Variants in TRIM13 observed in about 807,000 individuals in gnomAD.
The protein encoded by TRIM13 is E3 ubiquitin-protein ligase TRIM13.
A neutral mutation model predicts 27.1 loss-of-function variants in TRIM13; 15 were observed. That is an observed-to-expected ratio of 0.55 (90% confidence interval 0.37 to 0.85). The LOEUF is 0.85. Ranked by LOEUF, TRIM13 falls within the 40% of genes least tolerant of loss-of-function variation. The pLI is 0.00. For missense variants in TRIM13, 402 were observed against 472.2 expected (o/e 0.85, Z 1.38); for synonymous variants, 193 against 171.5 (o/e 1.13, Z -0.98).
intron 1 of TRIM13, among the ~76,000 whole-genome samples, chr13:50,006,023 G>C (rs1454619317): frequency 1.3e-5 from 2 of 151,990 alleles, no homozygotes; most frequent in Non-Finnish European, 2.9e-5. Context: ...CCAGAAATAT[G>C]TAGATTTTAA....
intron 1 of TRIM13, among the ~76,000 whole-genome samples, chr13:50,008,705 A>G (rs1875139909): frequency 6.6e-6 from 1 of 152,080 alleles, no homozygotes; most frequent in South Asian, 2.1e-4. Context: ...GGGATCTCAA[A>G]TATTTTGGTC....
Position 50,012,585 on chromosome 13 carries a change from T to C in TRIM13, c.645T>C (p.Tyr215=), listed in dbSNP as rs775150652. ...ETMKLAVMQA[Y]DPEINKLNTI... is the part of the protein sequence containing the mutation. ...TGAAACTTGCTGTTATGCAAGCATA[T>C]GACCCAGAGATCAACAAACTCAACA... Residue 215 remains tyrosine, a synonymous_variant, in exon 2 of 2, where the codon TAT becomes TAC. Transcript: ENST00000378182. 3 of 1,614,126 alleles carry C rather than the reference T, an allele frequency of 1.9e-6. No homozygotes were observed. The highest frequency in any genetic ancestry group is 2.5e-6 in the Non-Finnish European group (3 of 1,180,014).
At position 50,013,339 on chromosome 13, in the gene TRIM13, G is replaced by T. The variant is rs931039676; in HGVS notation, c.*175G>T. 1.6e-6 allele frequency: 1 copy of T among 623,428 alleles called. No homozygotes were observed. Among genetic ancestry groups the T allele is most frequent in the Non-Finnish European group, 2.6e-6 (1 of 389,294 alleles). The allele number at this position is 623,428 out of a possible 1,614,324, so 38.6% of individuals were successfully genotyped here. ...ATAAAGATAAAAGTGAAATTTAGTA[G>T]TATAGGCCTGAACCTTTTTTTGTTT... On this transcript the variant is annotated 3_prime_UTR_variant, in exon 2 of 2. Transcript: ENST00000378182.
At chr13:50,002,168 T>C (rs1417926846) in intron 1 of TRIM13, among the ~76,000 whole-genome samples, 1 of 152,090 alleles carries the variant, frequency 6.6e-6, no homozygotes, top group Non-Finnish European at 1.5e-5. Context: ...GGCAGGAAGA[T>C]ACTTGTGGCC....
Position 50,017,405 on chromosome 13 carries a change from T to A in TRIM13, c.*4241T>A, listed in dbSNP as rs565284310. The A allele has an allele frequency of 2.4e-4, 40 of 167,184 alleles. No homozygotes were observed. Among genetic ancestry groups the A allele is most frequent in the African/African-American group, 9.6e-4 (40 of 41,578 alleles). The allele number at this position is 167,184 out of a possible 1,614,324, so 10.4% of individuals were successfully genotyped here. A position where few individuals can be genotyped will look rare whatever the true frequency, so the allele number is the denominator to read the frequency against. Reference sequence around the variant, plus strand: ...TAATTGTTTCCTTGAAAAACATGATTAAAAACTAAAACTGGGATGTTCCTG... The same window carrying A: ...TAATTGTTTCCTTGAAAAACATGATAAAAAACTAAAACTGGGATGTTCCTG... On this transcript the variant is annotated 3_prime_UTR_variant, in exon 2 of 2. Transcript: ENST00000378182.
chr13:50,002,449 T>A (rs1228375086), intron 1 of TRIM13, among the ~76,000 whole-genome samples: 1 of 152,124 alleles, frequency 6.6e-6, no homozygotes, highest in Non-Finnish European at 1.5e-5. Flanking sequence ...AGGCTTATAT[T>A]TAGCTAATGT....
intron 1 of TRIM13, among the ~76,000 whole-genome samples, chr13:49,998,924 T>C (rs1873628257): frequency 7.7e-6 from 1 of 129,298 alleles, no homozygotes; most frequent in Admixed American, 7.9e-5. Flanking sequence ...AGCGAGACTC[T>C]ACCAAAAAAA....
chr13:50,012,508 C>A lies in TRIM13; in HGVS notation c.568C>A (p.Gln190Lys). The part of the protein sequence containing the change: ...DKVKEFFEKL[Q>K]HTLDQKKNEI... ...AGTGAAGGAATTTTTTGAGAAGTTA[C>A]AACACACACTGGATCAAAAGAAGAA... is the stretch of plus-strand genomic sequence containing the variant. The change falls in exon 2 of 2, where the codon CAA becomes AAA. Residue 190 changes from glutamine (Q) to lysine (K), a missense_variant. Gln to Lys is a moderately conservative substitution (Grantham distance 53, BLOSUM62 1). This residue lies in a region of TRIM13 where 202 missense variants were observed against 277.5 expected (regional missense o/e 0.73). Transcript: ENST00000378182. 1 of 1,613,850 alleles carries A rather than the reference C, an allele frequency of 6.2e-7. No individual in the cohort carries two copies. Among genetic ancestry groups the A allele is most frequent in the East Asian group, 2.2e-5 (1 of 44,884 alleles).
Position 50,013,548 on chromosome 13 carries a change from A to C in TRIM13, c.*384A>C, listed in dbSNP as rs538298393. 1.7e-4 allele frequency: 20 copies of C among 119,542 alleles called. No individual in the cohort carries two copies. The highest frequency in any genetic ancestry group is 1.4e-4 in the Non-Finnish European group (8 of 56,512). 7.4% of individuals were successfully genotyped at this position (119,542 alleles called of 1,614,324 possible). ...TTTTTTTTTTTTTTTTTTGAGATGGAGTCTTGCTCTGTCGCCCAGGCTGGA... is the reference window on the plus strand; with the variant it reads ...TTTTTTTTTTTTTTTTTTGAGATGGCGTCTTGCTCTGTCGCCCAGGCTGGA... On this transcript the variant is annotated 3_prime_UTR_variant, in exon 2 of 2. Coordinates refer to ENST00000378182, the MANE Select transcript of TRIM13 (RefSeq NM_213590.3).
intron 1 of TRIM13, among the ~76,000 whole-genome samples, chr13:50,005,471 C>A (rs1422062724): frequency 6.6e-6 from 1 of 151,580 alleles, no homozygotes; most frequent in African/African-American, 2.4e-5. Context: ...GTCAGGAGTT[C>A]GAGATCAGCC....
chr13:50,007,625 A>G (rs983302532), intron 1 of TRIM13, among the ~76,000 whole-genome samples: 4 of 149,344 alleles, frequency 2.7e-5, no homozygotes, highest in African/African-American at 9.9e-5. Context: ...TACTAAAAAT[A>G]CAAAAATTAG....
chr13:50,001,803 C>A (rs1258730729), intron 1 of TRIM13, among the ~76,000 whole-genome samples: 2 of 152,016 alleles, frequency 1.3e-5, no homozygotes, highest in Non-Finnish European at 1.5e-5. Flanking sequence ...GAGATTATAT[C>A]TGAAATCTGA....
At chr13:50,003,577 T>C (rs1341425637) in intron 1 of TRIM13, among the ~76,000 whole-genome samples, 1 of 152,200 alleles carries the variant, frequency 6.6e-6, no homozygotes, top group South Asian at 2.1e-4. Context: ...CCAATACATA[T>C]ATATAAACTC....
rs1875889419 is a variant in TRIM13 at position 50,013,209 on chromosome 13, A to G, written c.*45A>G. The G allele has an allele frequency of 2.0e-6, 3 of 1,495,936 alleles. No homozygotes were observed. Among genetic ancestry groups the G allele is most frequent in the South Asian group, 2.8e-5 (2 of 70,832 alleles). 92.7% of individuals were successfully genotyped at this position (1,495,936 alleles called of 1,614,324 possible). Reference sequence around the variant, plus strand: ...GTTTTCTTTTGTTAGAAATTGTTAGAGAATAGAGAGTGGTAATTCAGATTT... The same window carrying G: ...GTTTTCTTTTGTTAGAAATTGTTAGGGAATAGAGAGTGGTAATTCAGATTT... On this transcript the variant is annotated 3_prime_UTR_variant, in exon 2 of 2. Transcript: ENST00000378182.
At chr13:50,006,465 T>G (rs1054790154) in intron 1 of TRIM13, among the ~76,000 whole-genome samples, 3 of 152,162 alleles carry the variant, frequency 2.0e-5, no homozygotes, top group Non-Finnish European at 2.9e-5. Context: ...GATGAGTAAA[T>G]TAGGTTTCTT....
rs1446696989 is a variant in TRIM13 at position 50,012,072 on chromosome 13, T to C, written c.132T>C (p.Asn44=). 1.2e-6 allele frequency: 2 copies of C among 1,614,008 alleles called. No homozygotes were observed. The highest frequency in any genetic ancestry group is 3.3e-5 in the Admixed American group (2 of 59,992). The change falls in exon 2 of 2, where the codon AAT becomes AAC. Residue 44 remains asparagine, a synonymous_variant. Coordinates refer to ENST00000378182, the MANE Select transcript of TRIM13 (RefSeq NM_213590.3). ...GTATCTTAGAAGGGAGTGTGCGGAA[T>C]TCCTTGTGGAGACCAGCTCCATTCA... The part of the protein sequence containing the change: ...LEGILEGSVR[N]SLWRPAPFKC...
In TRIM13 at chr13:50,012,440, G is replaced by C; in HGVS notation, c.500G>C (p.Ser167Thr). The part of the protein sequence containing the change: ...ALSRLDTLET[S>T]KRKSLQLLTK... ...TCTCGCTTGGATACCTTGGAAACTA[G>C]TAAGAGGAAATCCCTACAGTTACTG... The change falls in exon 2 of 2, where the codon AGT (serine) becomes ACT (threonine). Residue 167 changes from serine to threonine, a missense_variant. Physicochemically the swap from Ser to Thr is moderately conservative, Grantham distance 58. Coordinates refer to ENST00000378182, the MANE Select transcript of TRIM13 (RefSeq NM_213590.3). 1.2e-6 allele frequency: 2 copies of C among 1,614,026 alleles called. No homozygotes were observed. Among genetic ancestry groups the C allele is most frequent in the Non-Finnish European group, 1.7e-6 (2 of 1,179,950 alleles).
intron 1 of TRIM13, among the ~76,000 whole-genome samples, chr13:50,008,520 C>G (rs1468897168): frequency 6.6e-6 from 1 of 151,770 alleles, no homozygotes; most frequent in Non-Finnish European, 1.5e-5. Context: ...TGCCTGTAGT[C>G]TTAGCTACTT....
rs1251320884 is a variant in TRIM13, at chr13:50,015,089, AAAAAAATATATATATATATATATATATAT to A, written c.*1927_*1955del. 69 of 43,350 alleles carry A rather than the reference AAAAAAATATATATATATATATATATATAT, an allele frequency of 1.6e-3. 7 individuals are homozygous for A. Among genetic ancestry groups the A allele is most frequent in the East Asian group, 7.8e-3 (15 of 1,934 alleles). 2.7% of individuals were successfully genotyped at this position (43,350 alleles called of 1,614,324 possible). A position where few individuals can be genotyped will look rare whatever the true frequency, so the allele number is the denominator to read the frequency against. On this transcript the variant is annotated 3_prime_UTR_variant, in exon 2 of 2. Coordinates refer to ENST00000378182, the MANE Select transcript of TRIM13 (RefSeq NM_213590.3). ...CCTCCCAGTAATAAAAAAAAAAAAA[AAAAAAATATATATATATATATATATATAT>A]ATATATATATATATATATATATATA...
Sources: allele counts gnomAD v4.1 joint callset (sites outside exome capture counted in the v4.1 genomes callset), GRCh38; gene constraint gnomAD v4.1.1; regional missense constraint gnomAD v4.1.1; transcripts MANE v1.5; gene names NCBI Gene and HGNC (gene_info 2026-07-23, HGNC 2026-07-21).